ATP9B: variants seen among roughly 807,000 people sequenced by gnomAD.
The protein encoded by ATP9B is ATPase phospholipid transporting 9B.
ATP9B carries 110 observed loss-of-function variants against 146.1 expected under a neutral mutation model. That is an observed-to-expected ratio of 0.75 (90% CI 0.65 to 0.88). ATP9B has a LOEUF of 0.88. Among genes scored for constraint, ATP9B ranks in the 40% least tolerant of loss-of-function variants. The pLI, the probability that ATP9B is intolerant of heterozygous loss-of-function variation, is 0.00. For missense variants in ATP9B, 1,499 were observed against 1,496.4 expected (o/e 1.00, Z -0.03); for synonymous variants, 604 against 569.7 (o/e 1.06, Z -0.86).
At chr18:79,117,332 G>A (rs1425311860) in intron 4 of ATP9B, 4 of 152,198 alleles carry the variant, frequency 2.6e-5, no homozygotes, top group African/African-American at 4.8e-5. Flanking sequence ...CTAATGCCAC[G>A]TAGCCATCCA....
chr18:79,337,139 G>C, intron 18 of ATP9B, 140 bp from the exon 19 acceptor site: 3 of 1,190,374 alleles, frequency 2.5e-6, no homozygotes, highest in Non-Finnish European at 3.6e-6. Flanking sequence ...GTCCAGCTCT[G>C]TGGAGTACAC....
intron 26 of ATP9B, among the ~76,000 whole-genome samples, chr18:79,367,143 C>T (rs113913939): frequency 1.7e-4 from 17 of 97,824 alleles, no homozygotes; most frequent in South Asian, 4.2e-4. Context: ...ACCGTGTGTA[C>T]GCAGAGAAAG....
chr18:79,197,326 A>G (rs2095425970), intron 9 of ATP9B, among the ~76,000 whole-genome samples: 1 of 152,024 alleles, frequency 6.6e-6, no homozygotes, highest in African/African-American at 2.4e-5. Flanking sequence ...TATGTTTGGA[A>G]ATAGGAAAAT....
At chr18:79,203,527 AAG>A (rs2095507491) in intron 9 of ATP9B, among the ~76,000 whole-genome samples, 1 of 152,222 alleles carries the variant, frequency 6.6e-6, no homozygotes, top group Admixed American at 6.5e-5. Flanking sequence ...ATATTAGAAA[AAG>A]AATTTCATGA....
chr18:79,218,658 G>T (rs189076938), intron 11 of ATP9B, among the ~76,000 whole-genome samples: 136 of 152,218 alleles, frequency 8.9e-4, no homozygotes, highest in African/African-American at 2.9e-3. Flanking sequence ...TGGGTCCAGC[G>T]CAGGCTGACA....
rs151110225 is a variant in ATP9B, at chr18:79,342,361, A to C, written c.2377A>C (p.Arg793=). ...TAGAACACAAGATATTCATATTTTC[A>C]GACAGGTAAGTATGTATCTTAATCA... ...VSRTQDIHIF[R]QVTSRGEAHL... Residue 793 remains arginine, a synonymous_variant, in exon 20 of 30, where the codon AGA becomes CGA. Coordinates refer to ENST00000426216, the MANE Select transcript of ATP9B (RefSeq NM_198531.5). The C allele has an allele frequency of 2.5e-6, 4 of 1,607,838 alleles. No homozygotes were observed. The highest frequency in any genetic ancestry group is 3.4e-6 in the Non-Finnish European group (4 of 1,174,686).
At chr18:79,338,265 G>A (rs2096838408) in intron 19 of ATP9B, among the ~76,000 whole-genome samples, 1 of 152,244 alleles carries the variant, frequency 6.6e-6, no homozygotes, top group South Asian at 2.1e-4. Context: ...TCAGCAGCAA[G>A]AGCCTGCCCC....
intron 13 of ATP9B, among the ~76,000 whole-genome samples, chr18:79,301,648 C>G (rs1431445185): frequency 1.3e-5 from 2 of 152,144 alleles, no homozygotes; most frequent in Admixed American, 6.5e-5. Flanking sequence ...TAAACTGCCT[C>G]TCATGTAATT....
intron 9 of ATP9B, among the ~76,000 whole-genome samples, chr18:79,199,459 T>C (rs1327413665): frequency 6.6e-6 from 1 of 152,164 alleles, no homozygotes; most frequent in African/African-American, 2.4e-5. Context: ...TTAAACTTTT[T>C]TTTGTTAAAA....
intron 2 of ATP9B, among the ~76,000 whole-genome samples, chr18:79,101,058 A>G (rs1055557440): frequency 4.0e-5 from 6 of 151,746 alleles, no homozygotes; most frequent in African/African-American, 1.5e-4. Context: ...CAGTTGTTAC[A>G]TCTTATGTAA....
chr18:79,295,773 A>C (rs2096543511), intron 13 of ATP9B, among the ~76,000 whole-genome samples: 1 of 152,154 alleles, frequency 6.6e-6, no homozygotes, highest in East Asian at 1.9e-4. Flanking sequence ...AGCCCCCATG[A>C]ATGGGATTGG....
intron 13 of ATP9B, among the ~76,000 whole-genome samples, chr18:79,283,643 A>G (rs1012292072): frequency 1.3e-5 from 2 of 152,242 alleles, no homozygotes; most frequent in Non-Finnish European, 2.9e-5. Context: ...CTATAGTGAC[A>G]CATCTGTGGC....
intron 1 of ATP9B, chr18:79,095,699 A>G (rs2074725586): frequency 6.6e-6 from 1 of 152,242 alleles, no homozygotes; most frequent in Admixed American, 6.5e-5. Flanking sequence ...ACTTGATGCA[A>G]AATTCAGTAA....
chr18:79,095,035 C>T (rs192208931), intron 1 of ATP9B, among the ~76,000 whole-genome samples: 49 of 152,224 alleles, frequency 3.2e-4, no homozygotes, highest in African/African-American at 1.1e-3. Flanking sequence ...CCTGAGACTC[C>T]CTGTATTCTC....
intron 7 of ATP9B, among the ~76,000 whole-genome samples, chr18:79,164,841 T>C (rs12606298): frequency 0.21 from 31,832 of 152,134 alleles, 3,703 homozygotes; most frequent in East Asian, 0.5. Context: ...GCATTTAATA[T>C]TTGTGTAGAG....
At chr18:79,291,740 T>C (rs576778775) in intron 13 of ATP9B, among the ~76,000 whole-genome samples, 5 of 152,370 alleles carry the variant, frequency 3.3e-5, no homozygotes, top group Admixed American at 1.3e-4. Flanking sequence ...GATAACATGA[T>C]TGATTAGCAA....
chr18:79,130,915 C>G (rs1191683932), intron 5 of ATP9B, among the ~76,000 whole-genome samples: 2 of 152,190 alleles, frequency 1.3e-5, no homozygotes, highest in Non-Finnish European at 2.9e-5. Flanking sequence ...AATCTCAGCA[C>G]TTTGGGAGGC....
Position 79,282,817 on chromosome 18 carries a change from T to C in ATP9B, c.1411+5621T>C, listed in dbSNP as rs187978531. On this transcript the variant is annotated intron_variant, in intron 13 of 29. Transcript: ENST00000426216. ...TTGGAAAGGGCTTTGGAATCAAATC[T>C]GGGATTGAGTCTTGGTGCCCCCCAA... 1.4e-4 allele frequency among the ~76,000 whole-genome samples: 22 copies of C among 152,308 alleles called. No individual in the cohort carries two copies. In the East Asian group the frequency reaches 3.5e-3, roughly 24 times the overall value.
chr18:79,086,435 C>CAAAAAAAAAAAAAAAAA (rs56268434), intron 1 of ATP9B: 1 of 63,482 alleles, frequency 1.6e-5, no homozygotes, highest in Non-Finnish European at 2.6e-5. Flanking sequence ...GGCTCTATCT[C>CAAAAAAAAAAAAAAAAA]AAAAAAAAAA....
Sources: allele counts gnomAD v4.1 joint callset (sites outside exome capture counted in the v4.1 genomes callset), GRCh38; gene constraint gnomAD v4.1.1; transcripts MANE v1.5; gene names NCBI Gene and HGNC (gene_info 2026-07-23, HGNC 2026-07-21).